INSL6: variants seen among roughly 807,000 people sequenced by gnomAD.
INSL6 encodes the protein insulin-like peptide INSL6.
Under a neutral mutation model 9.4 loss-of-function variants are expected in INSL6, and 16 were observed. The observed-to-expected ratio is 1.70, with a 90% confidence interval of 1.15 to 2.59. INSL6 has a LOEUF of 2.59. INSL6 is among the 30% of genes most tolerant of loss of function. The pLI, the probability that INSL6 is intolerant of heterozygous loss-of-function variation, is 0.00. For synonymous variants in INSL6, 154 were observed against 96.9 expected (o/e 1.59, Z -3.46); for missense variants, 391 against 257.3 (o/e 1.52, Z -3.56).
chr9:5,032,482 TG>T, the INSL6 span, among the ~76,000 whole-genome samples: 1 of 152,202 alleles, frequency 6.6e-6, no homozygotes, highest in Middle Eastern at 3.2e-3. Context: ...GTAGCCTAAC[TG>T]GGAGGCACCC....
chr9:5,126,744 G>A (rs772893666), intron 3 of INSL6: 19 of 1,610,924 alleles, frequency 1.2e-5, no homozygotes, highest in Non-Finnish European at 1.5e-5. Context: ...CTCCTTTAGG[G>A]ATCTAGCTCT....
At chr9:5,005,394 C>T in the INSL6 span, among the ~76,000 whole-genome samples, 1 of 151,982 alleles carries the variant, frequency 6.6e-6, no homozygotes, top group Non-Finnish European at 1.5e-5. Flanking sequence ...AAAATATTTT[C>T]TCCTGTTTTA....
At chr9:5,079,474 C>CTT in the INSL6 span, among the ~76,000 whole-genome samples, 29 of 151,004 alleles carry the variant, frequency 1.9e-4, no homozygotes, top group African/African-American at 7.1e-4. Context: ...CTTCCATCTG[C>CTT]CATAAATGCT....
intron 2 of INSL6, among the ~76,000 whole-genome samples, chr9:5,151,629 G>A (rs1824714321): frequency 1.3e-5 from 2 of 151,950 alleles, no homozygotes; most frequent in African/African-American, 4.8e-5. Flanking sequence ...AAATGCTGAA[G>A]CAATCACCAA....
chr9:5,035,858 A>G, the INSL6 span, among the ~76,000 whole-genome samples: 6 of 152,220 alleles, frequency 3.9e-5, no homozygotes, highest in Admixed American at 2.6e-4. Flanking sequence ...CCTATTCAAC[A>G]TAGTGTTGGA....
At chr9:5,042,302 T>C in the INSL6 span, among the ~76,000 whole-genome samples, 1 of 148,778 alleles carries the variant, frequency 6.7e-6, no homozygotes, top group Non-Finnish European at 1.5e-5. Flanking sequence ...CGCGCCCGGC[T>C]AATTTTTTGT....
chr9:5,105,413 G>C, the INSL6 span, among the ~76,000 whole-genome samples: 128 of 152,294 alleles, frequency 8.4e-4, no homozygotes, highest in African/African-American at 2.8e-3. Context: ...TGAAATACAA[G>C]AGGACACAAA....
chr9:5,115,050 A>G, the INSL6 span, among the ~76,000 whole-genome samples: 1 of 152,220 alleles, frequency 6.6e-6, no homozygotes, highest in African/African-American at 2.4e-5. Context: ...AATGGCAACA[A>G]AAGCCAAAAT....
chr9:5,011,773 G>A, the INSL6 span, among the ~76,000 whole-genome samples: 1 of 152,154 alleles, frequency 6.6e-6, no homozygotes, highest in African/African-American at 2.4e-5. Flanking sequence ...TGTTCTAGCA[G>A]GCAGTTAAAT....
chr9:5,003,103 G>A, the INSL6 span, among the ~76,000 whole-genome samples: 2 of 151,788 alleles, frequency 1.3e-5, no homozygotes, highest in Non-Finnish European at 3.0e-5. Flanking sequence ...GTTCATTTTT[G>A]TGCTAATACC....
the INSL6 span, among the ~76,000 whole-genome samples, chr9:5,003,449 T>G: frequency 2.0e-5 from 3 of 152,074 alleles, no homozygotes; most frequent in Non-Finnish European, 2.9e-5. Context: ...TCCATAGATG[T>G]ATTCCTAGGT....
chr9:5,144,243 C>A (rs952810463), intron 2 of INSL6, among the ~76,000 whole-genome samples: 2 of 152,140 alleles, frequency 1.3e-5, no homozygotes, highest in Non-Finnish European at 2.9e-5. Flanking sequence ...CTGATTTCTC[C>A]TTCATTTCAT....
chr9:4,992,211 G>C, the INSL6 span, among the ~76,000 whole-genome samples: 1 of 152,214 alleles, frequency 6.6e-6, no homozygotes, highest in Non-Finnish European at 1.5e-5. Context: ...TAGCTGGGCT[G>C]TTAACTGGAG....
chr9:5,103,029 AATTCACAC>A, the INSL6 span, among the ~76,000 whole-genome samples: 1 of 152,108 alleles, frequency 6.6e-6, no homozygotes, highest in Admixed American at 6.5e-5. Context: ...AACAGGTTCA[AATTCACAC>A]ATAACAATAT....
the INSL6 span, chr9:5,111,367 A>C: frequency 7.5e-6 from 3 of 400,566 alleles, no homozygotes; most frequent in South Asian, 2.0e-5. Context: ...TACCCCTCCT[A>C]CGCCAGCAGC....
At chr9:5,153,154 T>C (rs538105630) in intron 2 of INSL6, among the ~76,000 whole-genome samples, 3 of 150,680 alleles carry the variant, frequency 2.0e-5, no homozygotes, top group South Asian at 2.1e-4. Context: ...TTTTTTTTTT[T>C]CATACCCCAG....
chr9:5,142,818 T>A (rs907767913), intron 2 of INSL6, among the ~76,000 whole-genome samples: 1 of 152,244 alleles, frequency 6.6e-6, no homozygotes. Flanking sequence ...CCATTCAGTA[T>A]GATATTGGCT....
At chr9:5,007,972 C>T in the INSL6 span, among the ~76,000 whole-genome samples, 2 of 151,952 alleles carry the variant, frequency 1.3e-5, no homozygotes, top group African/African-American at 4.8e-5. Flanking sequence ...CAAATGATCC[C>T]CCCGCCTCGG....
the INSL6 span, among the ~76,000 whole-genome samples, chr9:5,005,573 T>G: frequency 1.3e-5 from 2 of 152,332 alleles, no homozygotes; most frequent in African/African-American, 4.8e-5. Flanking sequence ...AGTATTTTGT[T>G]TAGCATTTTT....
Sources: gnomAD v4.1 joint callset for allele counts (sites outside exome capture counted in the v4.1 genomes callset) on GRCh38, gnomAD v4.1.1 for gene constraint, MANE v1.5 for transcripts, NCBI Gene and HGNC (gene_info 2026-07-23, HGNC 2026-07-21) for gene names.